TENM2: variants seen among roughly 807,000 people sequenced by gnomAD.
TENM2 encodes teneurin-2.
TENM2 carries 52 observed loss-of-function variants against 245.2 expected under a neutral mutation model. The ratio of observed to expected loss-of-function variants is 0.21; its 90% confidence interval spans 0.17 to 0.27. The LOEUF (loss-of-function observed/expected upper bound fraction) is 0.27, where lower values mean the gene tolerates loss of function less well. Ranked by LOEUF, TENM2 falls within the 10% of genes least tolerant of loss-of-function variation. The probability of loss-of-function intolerance (pLI) is 1.00; values close to 1 mark genes in which losing one functional copy is unlikely to be tolerated. For synonymous variants in TENM2, 1,363 were observed against 1,438.9 expected, an observed-to-expected ratio of 0.95 and a Z score of 1.19; for missense variants, 3,046 against 3,666.8, an observed-to-expected ratio of 0.83 and a Z score of 4.37.
chr5:168,229,270 C>CTCTT lies in TENM2; in HGVS notation c.5520+1144_5520+1147dup, dbSNP rs368898515. On this transcript the variant is annotated intron_variant, in intron 25 of 28. Coordinates refer to ENST00000518659, the Ensembl canonical transcript of TENM2. ...AATGCCAGGACTCGATCCCACGTCTCTCTTTCTGTCTGACTCACTTGCCAA... is the reference window on the plus strand; with the variant it reads ...AATGCCAGGACTCGATCCCACGTCTCTCTTTCTTTCTGTCTGACTCACTTGCCAA... Among the ~76,000 whole-genome samples, 810 of 132,130 alleles carry CTCTT rather than the reference C, an allele frequency of 6.1e-3. 11 individuals carry two copies. Among genetic ancestry groups the CTCTT allele is most frequent in the African/African-American group, 0.026 (776 of 29,658 alleles). 86.7% of individuals were successfully genotyped at this position (132,130 alleles called of 152,430 possible).
intron 2 of TENM2, among the ~76,000 whole-genome samples, chr5:167,743,743 T>C (rs912645298): frequency 1.3e-5 from 2 of 152,156 alleles, no homozygotes; most frequent in East Asian, 1.9e-4. Flanking sequence ...ATAAGCTTGA[T>C]AGTTCGATTG....
the TENM2 span, among the ~76,000 whole-genome samples, chr5:167,231,398 G>C: frequency 2.0e-5 from 3 of 152,340 alleles, no homozygotes; most frequent in South Asian, 4.1e-4. Context: ...TCCAGGCTCA[G>C]ATGGTCTCAC....
chr5:167,058,283 T>C, the TENM2 span, among the ~76,000 whole-genome samples: 1 of 152,176 alleles, frequency 6.6e-6, no homozygotes, highest in African/African-American at 2.4e-5. Context: ...AGGCATTCTA[T>C]AAATAATTGT....
the TENM2 span, among the ~76,000 whole-genome samples, chr5:167,042,342 G>C: frequency 3.3e-5 from 5 of 152,156 alleles, no homozygotes; most frequent in Non-Finnish European, 5.9e-5. Context: ...GGAGAGGGAA[G>C]TAGCATCACG....
chr5:167,016,463 T>C, the TENM2 span, among the ~76,000 whole-genome samples: 237 of 152,228 alleles, frequency 1.6e-3, no homozygotes, highest in African/African-American at 5.3e-3. Flanking sequence ...CCTGATTATG[T>C]GAATACAATT....
chr5:167,572,249 G>A (rs1774316357), intron 2 of TENM2, among the ~76,000 whole-genome samples: 1 of 152,182 alleles, frequency 6.6e-6, no homozygotes, highest in Admixed American at 6.5e-5. Context: ...GCCAGTGTGG[G>A]GGAAGAGAGT....
intron 2 of TENM2, among the ~76,000 whole-genome samples, chr5:167,629,619 A>C (rs1172898626): frequency 2.0e-5 from 3 of 152,178 alleles, no homozygotes; most frequent in Non-Finnish European, 4.4e-5. Context: ...GTGTTTTCAA[A>C]CTCTGAACAC....
At chr5:167,446,367 C>T (rs1765208241) in intron 2 of TENM2, among the ~76,000 whole-genome samples, 1 of 152,120 alleles carries the variant, frequency 6.6e-6, no homozygotes, top group South Asian at 2.1e-4. Flanking sequence ...AAGAGATCTA[C>T]ACATACAAAT....
At chr5:167,693,591 T>A in intron 2 of TENM2, among the ~76,000 whole-genome samples, 1 of 135,970 alleles carries the variant, frequency 7.4e-6, no homozygotes, top group African/African-American at 2.8e-5. Context: ...ACATCGGTGC[T>A]CCTCTCCCTC....
chr5:167,267,157 T>A, the TENM2 span, among the ~76,000 whole-genome samples: 1 of 152,200 alleles, frequency 6.6e-6, no homozygotes, highest in African/African-American at 2.4e-5. Flanking sequence ...CATTTGATTC[T>A]GGTCTGTGCC....
chr5:167,130,009 T>G, the TENM2 span, among the ~76,000 whole-genome samples: 1,098 of 152,214 alleles, frequency 7.2e-3, 18 homozygotes, highest in African/African-American at 0.024. Context: ...AGGCCAAGAA[T>G]TAGTTGAAAT....
the TENM2 span, among the ~76,000 whole-genome samples, chr5:167,194,314 A>G: frequency 6.6e-6 from 1 of 152,034 alleles, no homozygotes; most frequent in Admixed American, 6.6e-5. Flanking sequence ...AAGACGACGC[A>G]CGAAGGAAAA....
chr5:167,524,444 A>G (rs572866379), intron 2 of TENM2, among the ~76,000 whole-genome samples: 3 of 152,276 alleles, frequency 2.0e-5, no homozygotes, highest in African/African-American at 7.2e-5. Flanking sequence ...TATCTTTATT[A>G]TTACCAAACA....
intron 2 of TENM2, among the ~76,000 whole-genome samples, chr5:167,517,990 C>A (rs2127578375): frequency 6.6e-6 from 1 of 152,000 alleles, no homozygotes; most frequent in Middle Eastern, 3.4e-3. Flanking sequence ...AGTTCAAGAC[C>A]AGCCTGGCCA....
At chr5:168,253,125 C>G (rs2152704016) in intron 27 of TENM2, among the ~76,000 whole-genome samples, 1 of 151,998 alleles carries the variant, frequency 6.6e-6, no homozygotes, top group Middle Eastern at 3.4e-3. Flanking sequence ...TGCAACCACG[C>G]CCAGCTAATT....
chr5:167,068,297 C>T, the TENM2 span, among the ~76,000 whole-genome samples: 4 of 152,322 alleles, frequency 2.6e-5, no homozygotes, highest in East Asian at 1.9e-4. Flanking sequence ...CACAATCATG[C>T]AGACTTCATA....
intron 17 of TENM2, among the ~76,000 whole-genome samples, chr5:168,201,533 G>A (rs1017204707): frequency 4.0e-5 from 6 of 151,758 alleles, no homozygotes; most frequent in Non-Finnish European, 7.4e-5. Context: ...AGCCCTAGAC[G>A]TCACATCATT....
In TENM2 at chr5:168,081,893, C is replaced by A. The variant is rs191441086; in HGVS notation, c.1516-8681C>A. Among the ~76,000 whole-genome samples, 804 of 152,288 alleles carry A rather than the reference C, an allele frequency of 5.3e-3. 9 individuals carry two copies. The highest frequency in any genetic ancestry group is 0.019 in the African/African-American group (771 of 41,546). ...TTCTTTCATTTCAACTTTGGTGAAT[C>A]TGACAATTATGTGTCTTGGAGTTGC... On this transcript the variant is annotated intron_variant, in intron 7 of 28. Coordinates refer to ENST00000518659, the Ensembl canonical transcript of TENM2.
At chr5:167,038,547 C>T in the TENM2 span, among the ~76,000 whole-genome samples, 1 of 152,094 alleles carries the variant, frequency 6.6e-6, no homozygotes, top group African/African-American at 2.4e-5. Flanking sequence ...TGAACAAGAG[C>T]ATTTTTGTTA....
Sources: gnomAD v4.1 joint callset for allele counts (sites outside exome capture counted in the v4.1 genomes callset) on GRCh38, gnomAD v4.1.1 for gene constraint, MANE v1.5 for transcripts, NCBI Gene and HGNC (gene_info 2026-07-23, HGNC 2026-07-21) for gene names.